Variants in AKT3 observed in about 807,000 individuals in gnomAD.
The protein encoded by AKT3 is AKT serine/threonine kinase 3.
Under a neutral mutation model 65.3 loss-of-function variants are expected in AKT3, and 15 were observed. That is an observed-to-expected ratio of 0.23 (90% CI 0.15 to 0.35). The LOEUF is 0.35. AKT3 is among the 10% of genes least tolerant of loss of function. The pLI, the probability that AKT3 is intolerant of heterozygous loss-of-function variation, is 1.00. For missense variants in AKT3, 243 were observed against 576.5 expected (o/e 0.42, Z 5.92); for synonymous variants, 206 against 183.8 (o/e 1.12, Z -0.98).
At chr1:243,742,730 T>A (rs1688239053) in intron 2 of AKT3, among the ~76,000 whole-genome samples, 1 of 152,196 alleles carries the variant, frequency 6.6e-6, no homozygotes, top group Non-Finnish European at 1.5e-5. Context: ...TCCTTTTTCA[T>A]TTTCCCATCA....
chr1:243,767,243 C>G (rs1277229636), intron 2 of AKT3, among the ~76,000 whole-genome samples: 3 of 151,888 alleles, frequency 2.0e-5, no homozygotes, highest in African/African-American at 7.3e-5. Context: ...ATCAGGGAAG[C>G]CATGGGAGAT....
At chr1:243,772,630 G>A (rs563746808) in intron 2 of AKT3, among the ~76,000 whole-genome samples, 6 of 152,314 alleles carry the variant, frequency 3.9e-5, no homozygotes, top group South Asian at 2.1e-4. Context: ...ACAGTGTGGC[G>A]ATTCCTCAGA....
chr1:243,510,607 T>C (rs983697771), intron 13 of AKT3, among the ~76,000 whole-genome samples: 9 of 152,080 alleles, frequency 5.9e-5, no homozygotes, highest in African/African-American at 2.2e-4. Flanking sequence ...CTGGACACCA[T>C]AAATACTGTC....
intron 2 of AKT3, chr1:243,808,248 T>G (rs756380497): frequency 1.3e-5 from 2 of 151,952 alleles, no homozygotes; most frequent in Non-Finnish European, 2.9e-5. Flanking sequence ...AAGGAGGAAG[T>G]TGGAACCCAA....
chr1:243,628,402 C>T (rs1448050571), intron 6 of AKT3, among the ~76,000 whole-genome samples: 1 of 152,042 alleles, frequency 6.6e-6, no homozygotes, highest in African/African-American at 2.4e-5. Context: ...CAGGCTCAAG[C>T]AATCCCGCAT....
At chr1:243,792,169 A>G (rs1206060805) in intron 2 of AKT3, among the ~76,000 whole-genome samples, 1 of 152,224 alleles carries the variant, frequency 6.6e-6, no homozygotes, top group Non-Finnish European at 1.5e-5. Context: ...AGTCATTTAT[A>G]CAAACACCTT....
intron 2 of AKT3, among the ~76,000 whole-genome samples, chr1:243,732,931 A>G (rs1465123030): frequency 6.6e-6 from 1 of 152,232 alleles, no homozygotes; most frequent in African/African-American, 2.4e-5. Flanking sequence ...GCATAAACAC[A>G]TGCTCAACAA....
chr1:243,529,911 T>C (rs1316828799), intron 12 of AKT3, among the ~76,000 whole-genome samples: 1 of 152,170 alleles, frequency 6.6e-6, no homozygotes. Context: ...TTCAACAATA[T>C]TGATTCTTCC....
intron 8 of AKT3, among the ~76,000 whole-genome samples, chr1:243,584,466 A>G (rs1026615119): frequency 6.6e-6 from 1 of 152,174 alleles, no homozygotes; most frequent in African/African-American, 2.4e-5. Context: ...TGATACCAAA[A>G]CCTGGCAAAG....
At chr1:243,678,308 C>G (rs564096382) in intron 3 of AKT3, among the ~76,000 whole-genome samples, 1 of 152,054 alleles carries the variant, frequency 6.6e-6, no homozygotes, top group East Asian at 1.9e-4. Flanking sequence ...ACTACAGCAA[C>G]AACAACAACA....
At chr1:243,560,579 T>C (rs1673706547) in intron 10 of AKT3, among the ~76,000 whole-genome samples, 2 of 152,280 alleles carry the variant, frequency 1.3e-5, no homozygotes, top group East Asian at 3.9e-4. Flanking sequence ...ATTTGAATTA[T>C]GAATCAATGT....
intron 8 of AKT3, among the ~76,000 whole-genome samples, chr1:243,575,129 A>G (rs1674848060): frequency 1.3e-5 from 2 of 152,164 alleles, no homozygotes; most frequent in South Asian, 4.1e-4. Context: ...AAATCCAATA[A>G]TCTATTTACA....
At chr1:243,741,723 T>C (rs868615073) in intron 2 of AKT3, 1 of 152,210 alleles carries the variant, frequency 6.6e-6, no homozygotes, top group Non-Finnish European at 1.5e-5. Flanking sequence ...AGTAATTTAA[T>C]AGAACAAGAC....
In AKT3 at chr1:243,642,378, C is replaced by T. The variant is rs998262903; in HGVS notation, c.429+3515G>A. Among the ~76,000 whole-genome samples the T allele has an allele frequency of 3.4e-4, 52 of 152,212 alleles. 1 individual carries two copies. The highest frequency in any genetic ancestry group is 9.2e-4 in the African/African-American group (38 of 41,448). On this transcript the variant is annotated intron_variant, in intron 5 of 13. Transcript: ENST00000673466. The stretch of plus-strand genomic sequence containing the variant: ...AGGCTAGAGTGCAGTGGCACGATCT[C>T]GGCTCACTGCAAGCTCTGCCTCCTG...
intron 2 of AKT3, among the ~76,000 whole-genome samples, chr1:243,720,988 C>T (rs1286699961): frequency 2.6e-4 from 39 of 152,140 alleles, no homozygotes; most frequent in Admixed American, 2.6e-3. Flanking sequence ...GTATCAGAAG[C>T]AGCCTCAGAA....
At chr1:243,779,984 T>C (rs758751788) in intron 2 of AKT3, among the ~76,000 whole-genome samples, 2 of 152,088 alleles carry the variant, frequency 1.3e-5, no homozygotes, top group African/African-American at 2.4e-5. Context: ...TTCCTCCTTA[T>C]AGTAAAAAGC....
chr1:243,619,151 A>C (rs1229262175), intron 6 of AKT3, among the ~76,000 whole-genome samples: 1 of 152,110 alleles, frequency 6.6e-6, no homozygotes, highest in African/African-American at 2.4e-5. Flanking sequence ...CAGAGCTATA[A>C]ATGAGACCTA....
chr1:243,634,619 G>C (rs1377995788), intron 6 of AKT3, among the ~76,000 whole-genome samples: 1 of 151,796 alleles, frequency 6.6e-6, no homozygotes, highest in Non-Finnish European at 1.5e-5. Flanking sequence ...GCAGCTAAAG[G>C]GGGTACTGCC....
chr1:243,614,725 C>T (rs569426853), intron 7 of AKT3, among the ~76,000 whole-genome samples: 1 of 152,114 alleles, frequency 6.6e-6, no homozygotes, highest in Admixed American at 6.5e-5. Context: ...TTATCAGAAG[C>T]CAATAAAACA....
Sources: gnomAD v4.1 joint callset for allele counts (sites outside exome capture counted in the v4.1 genomes callset) on GRCh38, gnomAD v4.1.1 for gene constraint, MANE v1.5 for transcripts, NCBI Gene and HGNC (gene_info 2026-07-23, HGNC 2026-07-21) for gene names.